Variants in BLTP1 observed in about 807,000 individuals in gnomAD.
BLTP1 encodes fragile site-associated protein.
the BLTP1 span, chr4:122,298,999 T>C: frequency 1.0e-6 from 1 of 985,284 alleles, no homozygotes; most frequent in Non-Finnish European, 1.2e-6. Context: ...ACACAGGTGC[T>C]TTATACTTGC....
the BLTP1 span, chr4:122,260,149 TACAA>T: frequency 1.3e-5 from 2 of 153,858 alleles, no homozygotes; most frequent in Non-Finnish European, 2.9e-5. Context: ...GCTCCTAGGC[TACAA>T]ACCTGTACAG....
the BLTP1 span, chr4:122,188,830 G>T: frequency 2.4e-6 from 1 of 414,936 alleles, no homozygotes; most frequent in Non-Finnish European, 3.2e-6. Context: ...ATCTTTGTGT[G>T]TAGGTACCTT....
chr4:122,207,304 A>G, the BLTP1 span: 6 of 1,525,418 alleles, frequency 3.9e-6, no homozygotes, highest in Admixed American at 1.8e-5. Context: ...TATTTCTCTC[A>G]TTAAGGCAAA....
chr4:122,314,063 GA>G, the BLTP1 span: 11 of 970,396 alleles, frequency 1.1e-5, no homozygotes, highest in Non-Finnish European at 1.3e-5. Flanking sequence ...TGTATAAAAA[GA>G]AGAGAATATT....
At chr4:122,194,157 C>T in the BLTP1 span, among the ~76,000 whole-genome samples, 6 of 152,154 alleles carry the variant, frequency 3.9e-5, no homozygotes, top group African/African-American at 1.2e-4. Context: ...CCACTGCGCC[C>T]GGCCTCAAGT....
At chr4:122,208,823 C>A in the BLTP1 span, 1 of 320,078 alleles carries the variant, frequency 3.1e-6, no homozygotes, top group Non-Finnish European at 4.5e-6. Flanking sequence ...AAGATGGTTG[C>A]TTGAGGTCAG....
At chr4:122,153,412 C>T in the BLTP1 span, among the ~76,000 whole-genome samples, 94 of 152,178 alleles carry the variant, frequency 6.2e-4, no homozygotes, top group African/African-American at 2.2e-3. Context: ...TTGAGTGGTA[C>T]ATATAATTAT....
At chr4:122,230,734 A>G in the BLTP1 span, among the ~76,000 whole-genome samples, 1 of 152,174 alleles carries the variant, frequency 6.6e-6, no homozygotes, top group Admixed American at 6.5e-5. Flanking sequence ...AATCACTTCC[A>G]TTTAAAATGA....
the BLTP1 span, chr4:122,235,759 G>T: frequency 3.3e-5 from 5 of 152,168 alleles, no homozygotes; most frequent in East Asian, 3.9e-4. Context: ...GAGAGGAGAT[G>T]GCGCCACTGC....
the BLTP1 span, chr4:122,226,435 G>A: frequency 1.5e-4 from 179 of 1,197,812 alleles, 1 homozygote; most frequent in East Asian, 4.8e-4. Context: ...AAGGATTTGC[G>A]TTAAAAGTTG....
the BLTP1 span, chr4:122,215,361 A>T: frequency 0.035 from 34,308 of 980,148 alleles, 1,534 homozygotes; most frequent in East Asian, 0.3. Flanking sequence ...GGGAATTTTT[A>T]AAAAATAAGA....
the BLTP1 span, chr4:122,331,278 A>G: frequency 2.5e-5 from 38 of 1,542,780 alleles, no homozygotes; most frequent in East Asian, 4.8e-5. Flanking sequence ...TTTGTTAAAA[A>G]GAACTCTCAT....
chr4:122,279,897 C>T, the BLTP1 span: 1 of 1,614,156 alleles, frequency 6.2e-7, no homozygotes, highest in Non-Finnish European at 8.5e-7. Flanking sequence ...CCTCAGCACC[C>T]TGCCACCTTA....
chr4:122,305,015 T>C, the BLTP1 span: 2 of 1,554,518 alleles, frequency 1.3e-6, no homozygotes, highest in Admixed American at 3.7e-5. Context: ...GTTAGAACGA[T>C]GGCTTTTAAA....
the BLTP1 span, among the ~76,000 whole-genome samples, chr4:122,335,234 T>G: frequency 6.6e-6 from 1 of 152,124 alleles, no homozygotes; most frequent in Non-Finnish European, 1.5e-5. Context: ...ATCCAAAAGA[T>G]ACCATGGCTG....
At chr4:122,209,839 G>T in the BLTP1 span, 2 of 1,613,452 alleles carry the variant, frequency 1.2e-6, no homozygotes, top group Non-Finnish European at 1.7e-6. Flanking sequence ...TTGAATGCTG[G>T]ACTGTCCCAA....
At chr4:122,330,301 A>G in the BLTP1 span, among the ~76,000 whole-genome samples, 1 of 151,826 alleles carries the variant, frequency 6.6e-6, no homozygotes, top group African/African-American at 2.4e-5. Flanking sequence ...AGGAATCTCC[A>G]TACTATTTTC....
At chr4:122,234,749 T>TG in the BLTP1 span, 1 of 1,546,616 alleles carries the variant, frequency 6.5e-7, no homozygotes, top group Non-Finnish European at 8.7e-7. Context: ...TGTTGTTTTT[T>TG]GTTTTCTTTT....
chr4:122,249,220 C>A, the BLTP1 span: 2 of 598,402 alleles, frequency 3.3e-6, no homozygotes, highest in African/African-American at 4.0e-5. Context: ...ATATTTTTAA[C>A]TTTATATTTT....
Sources: allele counts gnomAD v4.1 joint callset (sites outside exome capture counted in the v4.1 genomes callset), GRCh38; gene constraint gnomAD v4.1.1; transcripts MANE v1.5; gene names NCBI Gene and HGNC (gene_info 2026-07-23, HGNC 2026-07-21).